POLR2D: variants seen among roughly 807,000 people sequenced by gnomAD.
POLR2D encodes DNA-directed RNA polymerase II subunit RPB4.
POLR2D carries 10 observed loss-of-function variants against 17.6 expected under a neutral mutation model. The ratio of observed to expected loss-of-function variants is 0.57; its 90% CI spans 0.35 to 0.96. The LOEUF (loss-of-function observed/expected upper bound fraction) is 0.96. POLR2D is among the 40% of genes least tolerant of loss of function. The pLI, the probability that POLR2D is intolerant of heterozygous loss-of-function variation, is 0.02. For missense variants in POLR2D, 126 were observed against 176.4 expected, an observed-to-expected ratio of 0.71 and a Z score of 1.62; for synonymous variants, 52 against 60.2, an observed-to-expected ratio of 0.86 and a Z score of 0.63.
rs1690150541 is a variant in POLR2D at position 127,846,093 on chromosome 2, A to C, written c.*2014T>G. 6.6e-6 allele frequency: 1 copy of C among 152,068 alleles called. No individual in the cohort carries two copies. The highest frequency in any genetic ancestry group is 6.6e-5 in the Admixed American group (1 of 15,246). 9.4% of individuals were successfully genotyped at this position (152,068 alleles called of 1,614,324 possible). On this transcript the variant is annotated 3_prime_UTR_variant, in exon 4 of 4. Transcript: ENST00000272645. ...GTGGTGAAACCCTGTCTCTACTAAA[A>C]ACACAAAAAATTAGCCAGGCGTGGT...
intron 3 of POLR2D, among the ~76,000 whole-genome samples, chr2:127,849,409 T>C (rs1371485014): frequency 1.3e-5 from 2 of 152,186 alleles, no homozygotes; most frequent in Non-Finnish European, 2.9e-5. Flanking sequence ...CCTTCCCTCC[T>C]TCCCCAGAAA....
At chr2:127,848,956 G>A (rs13005809) in intron 3 of POLR2D, among the ~76,000 whole-genome samples, 39,995 of 150,926 alleles carry the variant, frequency 0.26, 5,989 homozygotes, top group South Asian at 0.51. Flanking sequence ...CACCACGCCC[G>A]GCCCTGCATT....
At chr2:127,857,979 G>C (rs918990895) in intron 1 of POLR2D, 49 bp downstream of exon 1, 2 of 1,564,940 alleles carry the variant, frequency 1.3e-6, no homozygotes, top group Non-Finnish European at 1.7e-6. Context: ...CCAGGCCTGC[G>C]GCGACCACGC....
rs1558980731 is a variant in POLR2D at position 127,848,179 on chromosome 2, C to G, written c.357G>C (p.Glu119Asp). 6.2e-7 allele frequency: 1 copy of G among 1,606,726 alleles called. No homozygotes were observed. The highest frequency in any genetic ancestry group is 8.5e-7 in the Non-Finnish European group (1 of 1,175,278). Residue 119 changes from glutamate (E) to aspartate (D), a missense_variant, in exon 4 of 4, where the codon GAG becomes GAC. Physicochemically the swap from Glu to Asp is conservative, Grantham distance 45. Around this residue, in one of 2 missense-constraint regions of POLR2D, gnomAD observed 85 missense variants for 151.4 expected, o/e 0.56. Transcript: ENST00000272645. ...EESKALIPSL[E>D]GRFEDEELQQ... ...GCAGCTCCTCATCTTCAAACCGTCC[C>G]TCCAAGCTACAAGAAAATGAAAAGA...
chr2:127,847,588 C>A lies in POLR2D; in HGVS notation c.*519G>T, dbSNP rs1255200394. 2 of 161,330 alleles carry A rather than the reference C, an allele frequency of 1.2e-5. No individual in the cohort carries two copies. Among genetic ancestry groups the A allele is most frequent in the Admixed American group, 1.2e-4 (2 of 17,030 alleles). The allele number at this position is 161,330 out of a possible 1,614,324, so 10.0% of individuals were successfully genotyped here. ...ACTTCAGTGAGCCATGACTGTACGACTGCACTCCTCCAGCCTGGACAAGAG... is the reference window on the plus strand; with the variant it reads ...ACTTCAGTGAGCCATGACTGTACGAATGCACTCCTCCAGCCTGGACAAGAG... On this transcript the variant is annotated 3_prime_UTR_variant, in exon 4 of 4. Coordinates refer to ENST00000272645, the MANE Select transcript of POLR2D (RefSeq NM_004805.4).
chr2:127,857,757 T>C, intron 1 of POLR2D: 1 of 1,226,928 alleles, frequency 8.2e-7, no homozygotes, highest in Non-Finnish European at 1.0e-6. Flanking sequence ...TTTAAAAATC[T>C]GTCCTTACCA....
At chr2:127,849,497 C>T (rs1690212378) in intron 3 of POLR2D, among the ~76,000 whole-genome samples, 1 of 152,186 alleles carries the variant, frequency 6.6e-6, no homozygotes, top group African/African-American at 2.4e-5. Context: ...TATTTTTATA[C>T]TCACTACACA....
At chr2:127,849,276 TG>T (rs2104722471) in intron 3 of POLR2D, among the ~76,000 whole-genome samples, 1 of 148,724 alleles carries the variant, frequency 6.7e-6, no homozygotes, top group South Asian at 2.2e-4. Context: ...CTCCTGACCT[TG>T]TGATCCACCT....
Position 127,858,063 on chromosome 2 carries a change from A to G in POLR2D, c.38T>C (p.Val13Ala). 6.4e-7 allele frequency: 1 copy of G among 1,557,106 alleles called. No homozygotes were observed. Among genetic ancestry groups the G allele is most frequent in the Non-Finnish European group, 8.7e-7 (1 of 1,155,534 alleles). ...AGGSDPRAGD[V>A]EEDASQLIFP... Reference sequence around the variant, plus strand: ...GATGAGCTGTGAGGCGTCCTCCTCTACGTCGCCAGCCCGCGGATCGCTGCC... The same window carrying G: ...GATGAGCTGTGAGGCGTCCTCCTCTGCGTCGCCAGCCCGCGGATCGCTGCC... Residue 13 changes from valine to alanine, a missense_variant, in exon 1 of 4, where the codon GTA becomes GCA. Around this residue, in one of 2 missense-constraint regions of POLR2D, gnomAD observed 41 missense variants for 24.9 expected, o/e 1.64. Coordinates refer to ENST00000272645, the MANE Select transcript of POLR2D (RefSeq NM_004805.4).
intron 1 of POLR2D, among the ~76,000 whole-genome samples, chr2:127,856,024 A>C (rs1690322301): frequency 6.6e-6 from 1 of 151,996 alleles, no homozygotes; most frequent in African/African-American, 2.4e-5. Flanking sequence ...GCTCACACCT[A>C]TACTTTCTAA....
rs1254873566 is a variant in POLR2D, at chr2:127,853,066, T to A, written c.113A>T (p.His38Leu). 1.1e-5 allele frequency: 17 copies of A among 1,613,830 alleles called. No homozygotes were observed. The highest frequency in any genetic ancestry group is 1.4e-5 in the Non-Finnish European group (16 of 1,179,844). Reference protein sequence around the residue: ...TAETLLNSEVHMLLEHRKQQN... With the variant: ...TAETLLNSEVLMLLEHRKQQN... ...CTGCTTTCGATGTTCCAGAAGCATA[T>A]GAACTTCTGAATTTAGAAGTGTCTC... The change falls in exon 2 of 4, where the codon CAT becomes CTT. Residue 38 changes from histidine to leucine, a missense_variant. Coordinates refer to ENST00000272645, the MANE Select transcript of POLR2D (RefSeq NM_004805.4).
Position 127,844,915 on chromosome 2 carries a change from A to G in POLR2D, c.*3192T>C, listed in dbSNP as rs1184422671. ...GTGATCCACCCGCCTCGGCCTCCCA[A>G]AGTGCTGGGATTACAGGTGTGAGCC... On this transcript the variant is annotated 3_prime_UTR_variant, in exon 4 of 4. Coordinates refer to ENST00000272645, the MANE Select transcript of POLR2D (RefSeq NM_004805.4). The G allele has an allele frequency of 6.6e-6, 1 of 152,214 alleles. No homozygotes were observed. 9.4% of individuals were successfully genotyped at this position (152,214 alleles called of 1,614,324 possible). A position where few individuals can be genotyped will look rare whatever the true frequency, so the allele number is the denominator to read the frequency against.
chr2:127,855,739 G>C lies in POLR2D; in HGVS notation c.73+2289C>G, dbSNP rs142277560. ...GTAACTATGGAGAGGAGGGATCCAAGACTTCTCCCCATGGCTAATCCCAAG... is the reference window on the plus strand; with the variant it reads ...GTAACTATGGAGAGGAGGGATCCAACACTTCTCCCCATGGCTAATCCCAAG... On this transcript the variant is annotated intron_variant, in intron 1 of 3. Transcript: ENST00000272645. Among the ~76,000 whole-genome samples, 1,096 of 152,044 alleles carry C rather than the reference G, an allele frequency of 7.2e-3. 12 individuals are homozygous for C. The highest frequency in any genetic ancestry group is 0.024 in the African/African-American group (1,010 of 41,524).
At chr2:127,857,960 C>A (rs1339021217) in intron 1 of POLR2D, 68 bp downstream of exon 1, 49 of 1,543,640 alleles carry the variant, frequency 3.2e-5, no homozygotes, top group Non-Finnish European at 4.2e-5. Flanking sequence ...GGGCGAAGCG[C>A]GCATAACGCC....
At chr2:127,856,022 C>G (rs1690322248) in intron 1 of POLR2D, among the ~76,000 whole-genome samples, 1 of 152,090 alleles carries the variant, frequency 6.6e-6, no homozygotes, top group African/African-American at 2.4e-5. Context: ...TGGCTCACAC[C>G]TATACTTTCT....
At position 127,852,854 on chromosome 2, in the gene POLR2D, G is replaced by A; in HGVS notation, c.254+71C>T. ...ATTCACAAGTGACACCTGGGAAAGGGGGAGGGGACAGCATTCTACATGCAG... is the reference window on the plus strand; with the variant it reads ...ATTCACAAGTGACACCTGGGAAAGGAGGAGGGGACAGCATTCTACATGCAG... On this transcript the variant is annotated intron_variant, in intron 2 of 3. Coordinates refer to ENST00000272645, the MANE Select transcript of POLR2D (RefSeq NM_004805.4). The surrounding 1 kb of genome is among the most constrained non-coding windows in gnomAD (Gnocchi z 4.0). The A allele has an allele frequency of 9.8e-7, 1 of 1,024,166 alleles. No individual in the cohort carries two copies. Among genetic ancestry groups the A allele is most frequent in the Non-Finnish European group, 1.5e-6 (1 of 671,574 alleles). 63.4% of individuals were successfully genotyped at this position (1,024,166 alleles called of 1,614,324 possible).
chr2:127,856,836 G>A (rs1558983240), intron 1 of POLR2D: 1 of 152,090 alleles, frequency 6.6e-6, no homozygotes, highest in Non-Finnish European at 1.5e-5. Context: ...ACGAGTTCGA[G>A]AACAGGCTGG....
At chr2:127,850,219 T>A (rs1454940181) in intron 3 of POLR2D, among the ~76,000 whole-genome samples, 1 of 151,870 alleles carries the variant, frequency 6.6e-6, no homozygotes, top group African/African-American at 2.4e-5. Flanking sequence ...GGCGGGTGGA[T>A]CAACTGAGGC....
Position 127,858,118 on chromosome 2 carries a change from C to G in POLR2D, c.-18G>C. ...GCCGCCATCGCCGCGCCGCGCCGCGCGCCACCACCAGCGCCGCCGGAAGCA... is the reference window on the plus strand; with the variant it reads ...GCCGCCATCGCCGCGCCGCGCCGCGGGCCACCACCAGCGCCGCCGGAAGCA... On this transcript the variant is annotated 5_prime_UTR_variant, in exon 1 of 4. Coordinates refer to ENST00000272645, the MANE Select transcript of POLR2D (RefSeq NM_004805.4). The G allele has an allele frequency of 1.4e-6, 2 of 1,469,172 alleles. No individual in the cohort carries two copies. The highest frequency in any genetic ancestry group is 1.8e-6 in the Non-Finnish European group (2 of 1,109,798). 91.0% of individuals were successfully genotyped at this position (1,469,172 alleles called of 1,614,324 possible). A position where few individuals can be genotyped will look rare whatever the true frequency, so the allele number is the denominator to read the frequency against.
Sources: allele counts gnomAD v4.1 joint callset (sites outside exome capture counted in the v4.1 genomes callset), GRCh38; gene constraint gnomAD v4.1.1; regional missense constraint gnomAD v4.1.1; non-coding constraint Gnocchi (gnomAD v3.1); transcripts MANE v1.5; gene names NCBI Gene and HGNC (gene_info 2026-07-23, HGNC 2026-07-21).